AFAP1L2: variants seen among roughly 807,000 people sequenced by gnomAD.
AFAP1L2 encodes the protein actin filament-associated protein 1-like 2.
A neutral mutation model predicts 99.3 loss-of-function variants in AFAP1L2; 46 were observed. That is an observed-to-expected ratio of 0.46 (90% CI 0.37 to 0.59). The LOEUF is 0.59. Among genes scored for constraint, AFAP1L2 ranks in the 20% least tolerant of loss-of-function variants. AFAP1L2 has a pLI of 0.00. For missense variants in AFAP1L2, 959 were observed against 1,034.9 expected (o/e 0.93, Z 1.01); for synonymous variants, 397 against 419.1 (o/e 0.95, Z 0.64).
At chr10:114,322,755 A>G (rs2045578079) in intron 5 of AFAP1L2, among the ~76,000 whole-genome samples, 1 of 152,202 alleles carries the variant, frequency 6.6e-6, no homozygotes, top group South Asian at 2.1e-4. Context: ...CAGTGAAAGA[A>G]CATGGAAACT....
intron 4 of AFAP1L2, among the ~76,000 whole-genome samples, chr10:114,331,556 G>A (rs540323017): frequency 1.9e-3 from 291 of 152,264 alleles, no homozygotes; most frequent in African/African-American, 6.1e-3. Flanking sequence ...CCTGAGTAGC[G>A]TCAGGTGGCA....
At chr10:114,289,249 G>T in the AFAP1L2 span, 105 of 1,613,980 alleles carry the variant, frequency 6.5e-5, 1 homozygote, top group Admixed American at 1.7e-3. Flanking sequence ...CCAGAGGGGT[G>T]CCCGGCCTGG....
chr10:114,320,457 A>G (rs4917680), intron 5 of AFAP1L2, among the ~76,000 whole-genome samples: 112,993 of 152,232 alleles, frequency 0.74, 43,731 homozygotes, highest in East Asian at 0.93. Context: ...ACCTGAGGTC[A>G]GGCCAGCTTG....
At chr10:114,398,225 C>T (rs568940327) in intron 1 of AFAP1L2, among the ~76,000 whole-genome samples, 2 of 152,340 alleles carry the variant, frequency 1.3e-5, no homozygotes, top group South Asian at 4.1e-4. Flanking sequence ...TTAAGGGTCT[C>T]TCCTATGTGG....
At chr10:114,355,608 T>C (rs1301371569) in intron 1 of AFAP1L2, among the ~76,000 whole-genome samples, 2 of 151,908 alleles carry the variant, frequency 1.3e-5, no homozygotes, top group African/African-American at 4.8e-5. Flanking sequence ...AAAAATAAAG[T>C]CTTTGCAATA....
the AFAP1L2 span, chr10:114,285,110 C>T: frequency 1.6e-6 from 1 of 622,204 alleles, no homozygotes. Context: ...CACTGGTCTG[C>T]AGTTCACGTG....
At chr10:114,330,049 T>G (rs1037931111) in intron 4 of AFAP1L2, among the ~76,000 whole-genome samples, 2 of 152,042 alleles carry the variant, frequency 1.3e-5, no homozygotes, top group African/African-American at 4.8e-5. Context: ...TCAGGTTCAG[T>G]CCCGACATCA....
At chr10:114,352,703 C>T (rs559135062) in intron 1 of AFAP1L2, among the ~76,000 whole-genome samples, 28 of 152,304 alleles carry the variant, frequency 1.8e-4, no homozygotes, top group African/African-American at 5.3e-4. Flanking sequence ...AAAGCCAACA[C>T]TAGAAACAGG....
At chr10:114,358,050 G>A (rs1490237166) in intron 1 of AFAP1L2, among the ~76,000 whole-genome samples, 1 of 152,140 alleles carries the variant, frequency 6.6e-6, no homozygotes, top group African/African-American at 2.4e-5. Context: ...AGTGTGGTTC[G>A]GGAGTTGCTC....
intron 5 of AFAP1L2, among the ~76,000 whole-genome samples, chr10:114,316,689 A>G (rs1019198298): frequency 9.2e-5 from 14 of 152,180 alleles, no homozygotes; most frequent in Non-Finnish European, 1.8e-4. Flanking sequence ...CTATTCAAGG[A>G]CAAAACAAAA....
intron 1 of AFAP1L2, chr10:114,363,296 C>CCACAT: frequency 1.9e-6 from 1 of 540,368 alleles, no homozygotes; most frequent in East Asian, 1.5e-4. Context: ...GCAGAATTCA[C>CCACAT]GACACACGCT....
downstream of AFAP1L2, among the ~76,000 whole-genome samples, chr10:114,292,439 C>A (rs7919577): frequency 6.6e-6 from 1 of 151,584 alleles, no homozygotes; most frequent in Non-Finnish European, 1.5e-5. Context: ...ATTGATCTTA[C>A]GCTGTCTAGG....
At chr10:114,286,480 G>C in the AFAP1L2 span, 1 of 1,590,152 alleles carries the variant, frequency 6.3e-7, no homozygotes, top group Non-Finnish European at 8.6e-7. Flanking sequence ...TCCCTGAGCT[G>C]CAGGGGAAGC....
Position 114,295,925 on chromosome 10 carries a change from C to T in AFAP1L2, c.*117G>A, listed in dbSNP as rs2040139594. 1 of 1,594,640 alleles carries T rather than the reference C, an allele frequency of 6.3e-7. No homozygotes were observed. Among genetic ancestry groups the T allele is most frequent in the Non-Finnish European group, 8.6e-7 (1 of 1,169,042 alleles). On this transcript the variant is annotated 3_prime_UTR_variant, in exon 19 of 19. Coordinates refer to ENST00000304129, the MANE Select transcript of AFAP1L2 (RefSeq NM_001001936.3). ...CTGAAGCTCTCCATTCACAGTACCT[C>T]AGTCTTTGCTTTTTCTTCTAAACAG...
chr10:114,285,819 G>C, the AFAP1L2 span: 12 of 1,127,272 alleles, frequency 1.1e-5, no homozygotes, highest in Non-Finnish European at 1.3e-5. Flanking sequence ...ACTTAAGCTT[G>C]GGGGGCCCAC....
chr10:114,301,317 T>C (rs1471201657), intron 13 of AFAP1L2, 37 bp downstream of exon 13: 4 of 1,547,442 alleles, frequency 2.6e-6, no homozygotes, highest in Middle Eastern at 1.7e-4. Flanking sequence ...GAGGAGGGCC[T>C]GGAGAGGCCC....
intron 1 of AFAP1L2, among the ~76,000 whole-genome samples, chr10:114,342,865 C>T (rs1038707829): frequency 6.6e-6 from 1 of 152,254 alleles, no homozygotes; most frequent in African/African-American, 2.4e-5. Context: ...TGCATCACAG[C>T]GTAGCTGTCT....
chr10:114,289,383 T>C, the AFAP1L2 span: 2 of 1,612,236 alleles, frequency 1.2e-6, no homozygotes, highest in African/African-American at 1.3e-5. Context: ...CTGTCCTAAG[T>C]GAGGGTCTGC....
At chr10:114,357,768 TA>T (rs2051614474) in intron 1 of AFAP1L2, among the ~76,000 whole-genome samples, 1 of 152,236 alleles carries the variant, frequency 6.6e-6, no homozygotes, top group Non-Finnish European at 1.5e-5. Flanking sequence ...AGGGTGCTAC[TA>T]AAAGGAAATG....
Sources: gnomAD v4.1 joint callset for allele counts (sites outside exome capture counted in the v4.1 genomes callset) on GRCh38, gnomAD v4.1.1 for gene constraint, MANE v1.5 for transcripts, NCBI Gene and HGNC (gene_info 2026-07-23, HGNC 2026-07-21) for gene names.